The following FSHR variants were observed in gnomAD, a reference collection of about 807,000 sequenced individuals.
FSHR encodes the protein follicle-stimulating hormone receptor.
A neutral mutation model predicts 52.1 loss-of-function variants in FSHR; 46 were observed. That is an observed-to-expected ratio of 0.88 (90% CI 0.70 to 1.13). The LOEUF (loss-of-function observed/expected upper bound fraction) is 1.13. FSHR is among the 50% of genes most tolerant of loss of function. The pLI is 0.00. For synonymous variants in FSHR, 399 were observed against 309.6 expected, an observed-to-expected ratio of 1.29 and a Z score of -3.03; for missense variants, 964 against 834.6, an observed-to-expected ratio of 1.16 and a Z score of -1.91.
At chr2:49,030,667 T>C (rs1160077960) in intron 2 of FSHR, among the ~76,000 whole-genome samples, 2 of 152,178 alleles carry the variant, frequency 1.3e-5, no homozygotes, top group Non-Finnish European at 2.9e-5. Flanking sequence ...AGCACCCTTA[T>C]GAGTGCCCTG....
At chr2:49,094,367 AG>A (rs1344683189) in intron 1 of FSHR, among the ~76,000 whole-genome samples, 1 of 152,164 alleles carries the variant, frequency 6.6e-6, no homozygotes, top group African/African-American at 2.4e-5. Context: ...ATAATTTAAG[AG>A]GGGAGAAGAA....
chr2:49,149,152 A>G (rs979057608), intron 1 of FSHR, among the ~76,000 whole-genome samples: 5 of 152,062 alleles, frequency 3.3e-5, no homozygotes, highest in African/African-American at 1.2e-4. Flanking sequence ...TGAAACCTAT[A>G]TGATGAGGAG....
intron 1 of FSHR, among the ~76,000 whole-genome samples, chr2:49,116,025 G>A (rs775139556): frequency 3.9e-5 from 6 of 152,150 alleles, no homozygotes; most frequent in Admixed American, 6.6e-5. Context: ...TCAGGGCAGA[G>A]AAGAGAGCGA....
At chr2:49,104,283 A>G (rs1007172797) in intron 1 of FSHR, among the ~76,000 whole-genome samples, 1 of 152,138 alleles carries the variant, frequency 6.6e-6, no homozygotes, top group East Asian at 1.9e-4. Flanking sequence ...CTGGTCAGCC[A>G]TTGCCACTTC....
chr2:49,066,725 C>T (rs933384761), intron 2 of FSHR, among the ~76,000 whole-genome samples: 10 of 151,964 alleles, frequency 6.6e-5, no homozygotes, highest in African/African-American at 2.4e-4. Flanking sequence ...GGAAGGTTTG[C>T]CTGATACTGA....
intron 4 of FSHR, among the ~76,000 whole-genome samples, chr2:48,995,113 T>G (rs1675963531): frequency 6.6e-6 from 1 of 152,158 alleles, no homozygotes; most frequent in Non-Finnish European, 1.5e-5. Flanking sequence ...TGGGCTCTTA[T>G]TTTTTCTTGA....
chr2:48,984,239 G>T (rs141740639), intron 6 of FSHR, among the ~76,000 whole-genome samples: 18 of 152,186 alleles, frequency 1.2e-4, no homozygotes, highest in African/African-American at 4.1e-4. Flanking sequence ...TCCAGAAAGG[G>T]GCGAGGCAAA....
At chr2:49,105,239 CA>C (rs1671181080) in intron 1 of FSHR, among the ~76,000 whole-genome samples, 2 of 152,124 alleles carry the variant, frequency 1.3e-5, no homozygotes, top group Non-Finnish European at 2.9e-5. Flanking sequence ...ATGTTGAAAA[CA>C]AGGGGCAGTT....
chr2:49,149,978 C>A (rs767399604), intron 1 of FSHR, among the ~76,000 whole-genome samples: 2 of 151,964 alleles, frequency 1.3e-5, no homozygotes, highest in African/African-American at 2.4e-5. Context: ...AATCATCTGA[C>A]CCTGCTGAAG....
intron 2 of FSHR, among the ~76,000 whole-genome samples, chr2:49,049,434 A>C (rs1668774919): frequency 6.6e-6 from 1 of 152,062 alleles, no homozygotes; most frequent in African/African-American, 2.4e-5. Context: ...TAGCACCTGG[A>C]AGTCTTAGTT....
At position 48,962,685 on chromosome 2, in the gene FSHR, C is replaced by A. The variant is rs200864946; in HGVS notation, c.*48G>T. ...CTCTTTGTGACATACCCTTCAAAGGCAAGACTGAATTATCATTCAATACTC... is the reference window on the plus strand; with the variant it reads ...CTCTTTGTGACATACCCTTCAAAGGAAAGACTGAATTATCATTCAATACTC... On this transcript the variant is annotated 3_prime_UTR_variant, in exon 10 of 10. Transcript: ENST00000406846. 2.6e-5 allele frequency: 41 copies of A among 1,575,434 alleles called. No individual in the cohort carries two copies. In the East Asian group the frequency reaches 6.3e-4, roughly 24 times the overall value.
At chr2:49,021,885 A>C (rs1486171046) in intron 2 of FSHR, among the ~76,000 whole-genome samples, 1 of 46,946 alleles carries the variant, frequency 2.1e-5, no homozygotes, top group Non-Finnish European at 4.2e-5. Context: ...ATATATATAT[A>C]TAGAGAGAGA....
intron 2 of FSHR, among the ~76,000 whole-genome samples, chr2:49,052,964 CT>C (rs1255575434): frequency 6.6e-6 from 1 of 152,170 alleles, no homozygotes; most frequent in Non-Finnish European, 1.5e-5. Flanking sequence ...GGATCCTCAA[CT>C]TTTTTAATGT....
intron 2 of FSHR, among the ~76,000 whole-genome samples, chr2:49,064,211 C>G (rs1047614620): frequency 1.3e-5 from 2 of 151,946 alleles, no homozygotes; most frequent in Non-Finnish European, 2.9e-5. Context: ...GGGGACAGCA[C>G]AAGTTGAAGG....
Position 48,993,230 on chromosome 2 carries a change from A to G in FSHR, c.375-2593T>C, listed in dbSNP as rs571271101. Among the ~76,000 whole-genome samples the G allele has an allele frequency of 3.3e-5, 5 of 152,202 alleles. No individual in the cohort carries two copies. In the East Asian group the frequency reaches 9.7e-4, roughly 29 times the overall value. ...ACTTGCTGTCTGACTTCACTAGTCT[A>G]TTGCTAATTAAAGCTTACTTTGCAT... On this transcript the variant is annotated intron_variant, in intron 4 of 9. Coordinates refer to ENST00000406846, the MANE Select transcript of FSHR (RefSeq NM_000145.4).
chr2:48,992,792 C>T (rs1197554855), intron 4 of FSHR, among the ~76,000 whole-genome samples: 1 of 152,118 alleles, frequency 6.6e-6, no homozygotes, highest in Non-Finnish European at 1.5e-5. Context: ...AGCAAAGCTT[C>T]TAGAAAGAGT....
intron 2 of FSHR, among the ~76,000 whole-genome samples, chr2:49,061,448 A>G (rs1249500243): frequency 6.6e-6 from 1 of 150,880 alleles, no homozygotes; most frequent in African/African-American, 2.4e-5. Context: ...CAAAAACTGT[A>G]AAAAGAGACA....
chr2:49,091,014 T>A (rs1181103617), intron 1 of FSHR, among the ~76,000 whole-genome samples: 1 of 152,020 alleles, frequency 6.6e-6, no homozygotes, highest in East Asian at 1.9e-4. Context: ...TAGATAGAAG[T>A]CCTTTTTTAG....
chr2:49,006,189 T>C lies in FSHR; in HGVS notation c.374+11300A>G, dbSNP rs373497214. The stretch of plus-strand genomic sequence containing the variant: ...TACTAAATAAACTCCCCTTTATGTA[T>C]ACATCTAACCTATTAGTTATGTCCC... On this transcript the variant is annotated intron_variant, in intron 4 of 9. Transcript: ENST00000406846. Among the ~76,000 whole-genome samples the C allele has an allele frequency of 3.1e-4, 47 of 152,248 alleles. No homozygotes were observed. The South Asian group carries it at 8.7e-3, about 28-fold the overall frequency.
Sources: allele counts gnomAD v4.1 joint callset (sites outside exome capture counted in the v4.1 genomes callset), GRCh38; gene constraint gnomAD v4.1.1; transcripts MANE v1.5; gene names NCBI Gene and HGNC (gene_info 2026-07-23, HGNC 2026-07-21).